The following KAZN variants were observed in gnomAD, a reference collection of about 807,000 sequenced individuals.
KAZN encodes kazrin, periplakin interacting protein.
In KAZN, 40 loss-of-function variants were observed where a neutral mutation model predicts 87.4. That is an observed-to-expected ratio of 0.46 (90% CI 0.36 to 0.60). The LOEUF is 0.60. KAZN is among the 20% of genes least tolerant of loss of function. KAZN has a pLI of 0.00. For missense variants in KAZN, 898 were observed against 1,073.9 expected, an observed-to-expected ratio of 0.84 and a Z score of 2.29; for synonymous variants, 466 against 458.3, an observed-to-expected ratio of 1.02 and a Z score of -0.22.
intron 2 of KAZN, among the ~76,000 whole-genome samples, chr1:14,420,703 T>C (rs1665344734): frequency 6.6e-6 from 1 of 152,108 alleles, no homozygotes. Context: ...GCAGGCCGTC[T>C]CTGCTGGGGG....
intron 2 of KAZN, 50 bp from the exon 3 acceptor site, chr1:15,034,699 T>C (rs374553400): frequency 4.5e-5 from 72 of 1,608,660 alleles, no homozygotes; most frequent in Admixed American, 1.0e-4. Flanking sequence ...CTCAGGCATC[T>C]GGAGAGGACA....
intron 1 of KAZN, among the ~76,000 whole-genome samples, chr1:13,982,590 A>C (rs1464389429): frequency 1.3e-5 from 2 of 152,134 alleles, no homozygotes; most frequent in Non-Finnish European, 2.9e-5. Flanking sequence ...TTATTCTCTT[A>C]TCTGGCCCCA....
chr1:14,752,265 A>G (rs535635885), intron 1 of KAZN, among the ~76,000 whole-genome samples: 1 of 152,352 alleles, frequency 6.6e-6, no homozygotes, highest in South Asian at 2.1e-4. Flanking sequence ...AGGGACAAGT[A>G]TTCAAACCAT....
intron 1 of KAZN, among the ~76,000 whole-genome samples, chr1:14,914,696 G>A (rs1657609869): frequency 6.6e-6 from 1 of 152,170 alleles, no homozygotes; most frequent in African/African-American, 2.4e-5. Flanking sequence ...CATTGATAAT[G>A]GCATAATGGT....
In KAZN at chr1:14,346,059, C is replaced by T. The variant is rs182913679; in HGVS notation, c.249+165467C>T. Among the ~76,000 whole-genome samples, 203 of 152,286 alleles carry T rather than the reference C, an allele frequency of 1.3e-3. 4 individuals are homozygous for T. The highest frequency in any genetic ancestry group is 0.01 in the Admixed American group (158 of 15,296). On this transcript the variant is annotated intron_variant, in intron 2 of 16. Coordinates refer to the KAZN transcript ENST00000636203. ...TACATGAATGAAAAATGTAGCACTG[C>T]TCATTGGCCACTAGAAGTTTCCTGC...
chr1:13,949,999 G>T (rs963934092), intron 1 of KAZN, among the ~76,000 whole-genome samples: 2 of 152,184 alleles, frequency 1.3e-5, no homozygotes, highest in African/African-American at 2.4e-5. Flanking sequence ...AAAGGCCTTG[G>T]AATGGTGGGT....
In KAZN at chr1:14,065,308, C is replaced by T. The variant is rs115837853; in HGVS notation, c.92-115127C>T. ...TGGGGTGAATTTTGCTGGCATAGTT[C>T]CAAAACCTTAGAACAGAAAGCATAA... is the stretch of plus-strand genomic sequence containing the variant. On this transcript the variant is annotated intron_variant, in intron 1 of 16. Coordinates refer to the KAZN transcript ENST00000636203. Among the ~76,000 whole-genome samples, 997 of 152,120 alleles carry T rather than the reference C, an allele frequency of 6.6e-3. 9 individuals carry two copies. The highest frequency in any genetic ancestry group is 0.023 in the African/African-American group (950 of 41,478).
At chr1:14,900,753 CAAA>C (rs34012645) in intron 1 of KAZN, among the ~76,000 whole-genome samples, 1 of 132,008 alleles carries the variant, frequency 7.6e-6, no homozygotes. Context: ...GACTCCATCT[CAAA>C]AAAAAAAAAA....
chr1:14,918,537 G>A (rs1436447040), intron 1 of KAZN, among the ~76,000 whole-genome samples: 3 of 151,534 alleles, frequency 2.0e-5, no homozygotes, highest in East Asian at 1.9e-4. Flanking sequence ...TTAGCCGGAC[G>A]TGGTAGCACA....
At chr1:14,864,105 C>T (rs1651177039) in intron 1 of KAZN, among the ~76,000 whole-genome samples, 2 of 152,186 alleles carry the variant, frequency 1.3e-5, no homozygotes, top group Non-Finnish European at 2.9e-5. Context: ...TCCAGGAAGC[C>T]TAGCAGATGG....
intron 1 of KAZN, among the ~76,000 whole-genome samples, chr1:14,691,362 T>C (rs1047672489): frequency 6.6e-6 from 1 of 152,220 alleles, no homozygotes; most frequent in African/African-American, 2.4e-5. Flanking sequence ...ACTCTACAAA[T>C]ATATTTATAC....
intron 2 of KAZN, among the ~76,000 whole-genome samples, chr1:14,330,315 A>G (rs760547450): frequency 6.6e-6 from 1 of 152,186 alleles, no homozygotes; most frequent in Non-Finnish European, 1.5e-5. Flanking sequence ...CAATGCTCTT[A>G]TCTCTTTCCT....
chr1:14,250,770 A>T (rs1215729683), intron 2 of KAZN, among the ~76,000 whole-genome samples: 2 of 152,100 alleles, frequency 1.3e-5, no homozygotes, highest in African/African-American at 4.8e-5. Flanking sequence ...TGGTATTTCA[A>T]CTTTTATTAC....
intron 1 of KAZN, among the ~76,000 whole-genome samples, chr1:14,057,357 A>G (rs1484122261): frequency 6.6e-6 from 1 of 151,892 alleles, no homozygotes; most frequent in African/African-American, 2.4e-5. Context: ...CTGGTCTCGA[A>G]CTCCTGACCT....
chr1:14,826,085 A>C (rs1646877412), intron 1 of KAZN, among the ~76,000 whole-genome samples: 1 of 152,218 alleles, frequency 6.6e-6, no homozygotes, highest in Non-Finnish European at 1.5e-5. Flanking sequence ...TTAGAAAAGC[A>C]GGTCCATGCT....
intron 1 of KAZN, among the ~76,000 whole-genome samples, chr1:14,688,670 A>G (rs1572228301): frequency 6.6e-6 from 1 of 152,254 alleles, no homozygotes; most frequent in African/African-American, 2.4e-5. Flanking sequence ...TCTTAGCAAA[A>G]GAAGAAAGCT....
chr1:14,184,567 C>CCAGGAT lies in KAZN; in HGVS notation c.249+3979_249+3984dup, dbSNP rs1394251875. The stretch of plus-strand genomic sequence containing the variant: ...TTTAGGAGGCAGATCGGGAGCCCTG[C>CCAGGAT]CAGGATCAGACACTGCATAGGATTT... On this transcript the variant is annotated intron_variant, in intron 2 of 16. Transcript: ENST00000636203. This position sits in a 1 kb window ranked among gnomAD's most constrained non-coding sequence, Gnocchi z 4.2. Among the ~76,000 whole-genome samples the CCAGGAT allele has an allele frequency of 6.6e-6, 1 of 152,130 alleles. No individual in the cohort carries two copies. The highest frequency in any genetic ancestry group is 1.5e-5 in the Non-Finnish European group (1 of 68,026).
chr1:15,022,954 A>T (rs999956930), intron 2 of KAZN, among the ~76,000 whole-genome samples: 1 of 152,228 alleles, frequency 6.6e-6, no homozygotes, highest in Non-Finnish European at 1.5e-5. Context: ...TTAAGCCCCC[A>T]GGTTACCTGT....
intron 2 of KAZN, among the ~76,000 whole-genome samples, chr1:14,359,406 C>T (rs1014555232): frequency 6.6e-6 from 1 of 152,094 alleles, no homozygotes; most frequent in African/African-American, 2.4e-5. Flanking sequence ...CAGTCTGTGT[C>T]TTTTAATTGA....
Sources: allele counts gnomAD v4.1 joint callset (sites outside exome capture counted in the v4.1 genomes callset), GRCh38; gene constraint gnomAD v4.1.1; non-coding constraint Gnocchi (gnomAD v3.1); transcripts MANE v1.5; gene names NCBI Gene and HGNC (gene_info 2026-07-23, HGNC 2026-07-21).